The following DRICH1 variants were observed in gnomAD, a reference collection of about 807,000 sequenced individuals.
DRICH1 encodes the protein aspartate-rich protein 1.
A neutral mutation model predicts 39.5 loss-of-function variants in DRICH1; 38 were observed. The observed-to-expected ratio is 0.96, with a 90% CI of 0.74 to 1.26. DRICH1 has a LOEUF of 1.26. Among genes scored for constraint, DRICH1 ranks in the 50% most tolerant of loss-of-function variants. The pLI is 0.00. For missense variants in DRICH1, 279 were observed against 270.4 expected (o/e 1.03, Z -0.22); for synonymous variants, 84 against 99.5 (o/e 0.84, Z 0.93).
chr22:23,604,620 G>T (rs1252036902), downstream of DRICH1, among the ~76,000 whole-genome samples: 1 of 152,184 alleles, frequency 6.6e-6, no homozygotes, highest in Non-Finnish European at 1.5e-5. Context: ...CTGCTGGACT[G>T]CTGGTGTTGC....
In DRICH1 at chr22:23,612,422, G is replaced by A. The variant is rs189012810; in HGVS notation, c.685+867C>T. ...GCGGAGCTTGCAGTGAGCCGAGATC[G>A]CACCACTGCACTCCAGCCTGGGTGA... is the stretch of plus-strand genomic sequence containing the variant. On this transcript the variant is annotated intron_variant, in intron 11 of 11. Coordinates refer to ENST00000317749, the MANE Select transcript of DRICH1 (RefSeq NM_016449.4). 3.5e-3 allele frequency among the ~76,000 whole-genome samples: 457 copies of A among 132,386 alleles called. 1 individual carries two copies. The highest frequency in any genetic ancestry group is 0.013 in the African/African-American group (432 of 33,894). 86.9% of individuals were successfully genotyped at this position (132,386 alleles called of 152,430 possible).
chr22:23,586,690 C>T, the DRICH1 span, among the ~76,000 whole-genome samples: 7 of 152,104 alleles, frequency 4.6e-5, no homozygotes, highest in Non-Finnish European at 7.3e-5. Flanking sequence ...ATTACAGGCA[C>T]ATACCACCAT....
At chr22:23,601,386 A>G in the DRICH1 span, among the ~76,000 whole-genome samples, 1 of 152,188 alleles carries the variant, frequency 6.6e-6, no homozygotes, top group Non-Finnish European at 1.5e-5. Context: ...AAAATGAACA[A>G]ACTAGGTTGC....
At chr22:23,619,334 C>T (rs1234381761) in intron 6 of DRICH1, 30 bp downstream of exon 6, 1 of 780,268 alleles carries the variant, frequency 1.3e-6, no homozygotes, top group Non-Finnish European at 2.4e-6. Context: ...GACTAACACA[C>T]AATACTACAC....
At chr22:23,607,894 ACCC>A (rs1926826605), downstream of DRICH1, among the ~76,000 whole-genome samples, 1 of 152,158 alleles carries the variant, frequency 6.6e-6, no homozygotes, top group Non-Finnish European at 1.5e-5. Context: ...GCTGCTCCAG[ACCC>A]AAAGGTCACA....
At chr22:23,619,745 C>T (rs1927602581) in intron 5 of DRICH1, among the ~76,000 whole-genome samples, 1 of 152,222 alleles carries the variant, frequency 6.6e-6, no homozygotes, top group African/African-American at 2.4e-5. Context: ...GTGCTTCTCC[C>T]TCCATTTCCA....
At chr22:23,592,516 C>G in the DRICH1 span, among the ~76,000 whole-genome samples, 1 of 152,058 alleles carries the variant, frequency 6.6e-6, no homozygotes, top group Non-Finnish European at 1.5e-5. Flanking sequence ...GCATAACAGG[C>G]AAGAGAAAGT....
Position 23,617,668 on chromosome 22 carries a change from A to C in DRICH1, c.437-11T>G. On this transcript the variant is annotated splice_polypyrimidine_tract_variant and intron_variant, in intron 6 of 11. Transcript: ENST00000317749. ...TGTCCTCAGAAGAACCTGGAAGCAC[A>C]CAGAGGAAAGATCCGTGCCCTGGTT... 1 of 1,613,696 alleles carries C rather than the reference A, an allele frequency of 6.2e-7. No individual in the cohort carries two copies. Among genetic ancestry groups the C allele is most frequent in the Non-Finnish European group, 8.5e-7 (1 of 1,179,734 alleles).
At chr22:23,590,041 G>A in the DRICH1 span, among the ~76,000 whole-genome samples, 1 of 152,132 alleles carries the variant, frequency 6.6e-6, no homozygotes, top group Non-Finnish European at 1.5e-5. Context: ...GGCCAGGGAG[G>A]CAGCCTCTTG....
chr22:23,628,791 G>A (rs1465131647), intron 1 of DRICH1, among the ~76,000 whole-genome samples: 4 of 152,110 alleles, frequency 2.6e-5, no homozygotes, highest in Non-Finnish European at 4.4e-5. Flanking sequence ...AGAGAAGTGG[G>A]GACCTGATTC....
the DRICH1 span, among the ~76,000 whole-genome samples, chr22:23,590,534 C>T: frequency 6.6e-6 from 1 of 152,040 alleles, no homozygotes; most frequent in African/African-American, 2.4e-5. Flanking sequence ...CTGCCTTGGT[C>T]TCCCAAAGTG....
chr22:23,601,391 G>T, the DRICH1 span, among the ~76,000 whole-genome samples: 1 of 152,176 alleles, frequency 6.6e-6, no homozygotes, highest in Non-Finnish European at 1.5e-5. Context: ...GAACAAACTA[G>T]GTTGCAATTG....
the DRICH1 span, among the ~76,000 whole-genome samples, chr22:23,592,338 T>C: frequency 6.6e-6 from 1 of 151,856 alleles, no homozygotes; most frequent in East Asian, 1.9e-4. Context: ...CAGCCTCAGG[T>C]AAGGCAGAGT....
rs367783888 is a variant in DRICH1, at chr22:23,619,338, A to C, written c.436+26T>G. On this transcript the variant is annotated intron_variant, in intron 6 of 11. Coordinates refer to ENST00000317749, the MANE Select transcript of DRICH1 (RefSeq NM_016449.4). ...AGACTCAGCATGACTAACACACAAT[A>C]CTACACACATGATCTACAGACTCAC... The C allele has an allele frequency of 1.0e-5, 8 of 780,550 alleles. No homozygotes were observed. The Admixed American group carries it at 1.4e-4, about 13-fold the overall frequency. 48.4% of individuals were successfully genotyped at this position (780,550 alleles called of 1,614,324 possible).
At chr22:23,623,539 C>A (rs1424539715) in intron 3 of DRICH1, among the ~76,000 whole-genome samples, 1 of 152,200 alleles carries the variant, frequency 6.6e-6, no homozygotes, top group Admixed American at 6.5e-5. Context: ...ATCCCATATT[C>A]ATGGATAGGA....
intron 2 of DRICH1, among the ~76,000 whole-genome samples, chr22:23,625,672 A>G (rs547068815): frequency 4.6e-5 from 7 of 152,268 alleles, no homozygotes; most frequent in Non-Finnish European, 7.4e-5. Context: ...AAAATGCAGT[A>G]AGACAACCAT....
chr22:23,596,039 C>A, the DRICH1 span, among the ~76,000 whole-genome samples: 4 of 152,220 alleles, frequency 2.6e-5, no homozygotes, highest in African/African-American at 9.6e-5. Context: ...CTCTCAGGGG[C>A]ACTTCTGCTC....
At chr22:23,611,116 A>G (rs1453140358) in intron 11 of DRICH1, among the ~76,000 whole-genome samples, 1 of 152,118 alleles carries the variant, frequency 6.6e-6, no homozygotes, top group Admixed American at 6.6e-5. Flanking sequence ...CACCGAACTC[A>G]CATGCCCAGT....
At chr22:23,622,857 C>A (rs1159902643) in intron 3 of DRICH1, among the ~76,000 whole-genome samples, 1 of 152,334 alleles carries the variant, frequency 6.6e-6, no homozygotes, top group Non-Finnish European at 1.5e-5. Flanking sequence ...TTCATTCAAA[C>A]AGGCCAAGCT....
Sources: gnomAD v4.1 joint callset for allele counts (sites outside exome capture counted in the v4.1 genomes callset) on GRCh38, gnomAD v4.1.1 for gene constraint, MANE v1.5 for transcripts, NCBI Gene and HGNC (gene_info 2026-07-23, HGNC 2026-07-21) for gene names.